The following RASGEF1B variants were observed in gnomAD, a reference collection of about 807,000 sequenced individuals.
RASGEF1B encodes the protein ras-GEF domain-containing family member 1B.
In RASGEF1B, 30 loss-of-function variants were observed where a neutral mutation model predicts 65.7. The ratio of observed to expected loss-of-function variants is 0.46; its 90% confidence interval spans 0.34 to 0.62. The LOEUF is 0.62. Among genes scored for constraint, RASGEF1B ranks in the 20% least tolerant of loss-of-function variants. The pLI is 0.01. For missense variants in RASGEF1B, 495 were observed against 580.1 expected, an observed-to-expected ratio of 0.85 and a Z score of 1.51; for synonymous variants, 175 against 194.8, an observed-to-expected ratio of 0.90 and a Z score of 0.85.
chr4:81,465,273 G>A (rs1219763971), intron 1 of RASGEF1B, among the ~76,000 whole-genome samples: 1 of 152,124 alleles, frequency 6.6e-6, no homozygotes, highest in Non-Finnish European at 1.5e-5. Flanking sequence ...GATGCAGGGA[G>A]ATAATGGAAA....
At chr4:81,430,218 G>A (rs955154252) in intron 13 of RASGEF1B, among the ~76,000 whole-genome samples, 7 of 152,158 alleles carry the variant, frequency 4.6e-5, no homozygotes, top group Admixed American at 1.3e-4. Flanking sequence ...GGAGAATGGC[G>A]TGAACCCGGG....
chr4:81,470,852 G>T (rs1388879767), intron 1 of RASGEF1B, among the ~76,000 whole-genome samples: 1 of 152,142 alleles, frequency 6.6e-6, no homozygotes, highest in South Asian at 2.1e-4. Context: ...GATTTGGTTG[G>T]GGCAAGACAG....
At chr4:81,463,063 T>G (rs1232112983) in intron 1 of RASGEF1B, among the ~76,000 whole-genome samples, 1 of 152,220 alleles carries the variant, frequency 6.6e-6, no homozygotes, top group Non-Finnish European at 1.5e-5. Flanking sequence ...ATGCTGCAAA[T>G]GGTCTTCTTT....
At chr4:81,437,558 T>C (rs1489485110) in intron 10 of RASGEF1B, among the ~76,000 whole-genome samples, 1 of 152,246 alleles carries the variant, frequency 6.6e-6, no homozygotes, top group Non-Finnish European at 1.5e-5. Context: ...GATCATTTAC[T>C]GTTTCTTATT....
intron 4 of RASGEF1B, 179 bp downstream of exon 4, chr4:81,456,472 T>A (rs1179955868): frequency 1.4e-6 from 1 of 733,830 alleles, no homozygotes; most frequent in Admixed American, 1.9e-5. Context: ...CCCTTTGAAG[T>A]GGGATGGTAT....
intron 10 of RASGEF1B, among the ~76,000 whole-genome samples, chr4:81,438,826 G>T (rs1430263379): frequency 6.6e-6 from 1 of 150,846 alleles, no homozygotes; most frequent in African/African-American, 2.4e-5. Flanking sequence ...TGCAGTGTTT[G>T]GTTTTCTGTT....
At chr4:81,470,764 T>G (rs1047610624) in intron 1 of RASGEF1B, among the ~76,000 whole-genome samples, 4 of 152,188 alleles carry the variant, frequency 2.6e-5, no homozygotes, top group African/African-American at 4.8e-5. Context: ...GACAATCTCC[T>G]TGTGTTATCT....
chr4:81,442,257 G>A, intron 9 of RASGEF1B, 40 bp downstream of exon 9: 2 of 1,321,202 alleles, frequency 1.5e-6, no homozygotes, highest in East Asian at 2.3e-5. Flanking sequence ...CTTTCCAGGT[G>A]TAAAGTGTTA....
intron 8 of RASGEF1B, among the ~76,000 whole-genome samples, chr4:81,443,280 CCTAA>C (rs1438118514): frequency 1.3e-5 from 2 of 152,164 alleles, no homozygotes; most frequent in African/African-American, 2.4e-5. Context: ...GAGATTGCTT[CCTAA>C]CTGAGGTACA....
intron 1 of RASGEF1B, among the ~76,000 whole-genome samples, chr4:81,467,848 G>T (rs1425216894): frequency 6.6e-6 from 1 of 152,088 alleles, no homozygotes; most frequent in Non-Finnish European, 1.5e-5. Context: ...GAATAAAAAT[G>T]ATCTTCTGGA....
chr4:81,455,771 A>G (rs928406252), intron 4 of RASGEF1B: 2 of 152,202 alleles, frequency 1.3e-5, no homozygotes, highest in African/African-American at 4.8e-5. Flanking sequence ...GAGGGAAGTG[A>G]TATTTATGAA....
chr4:81,435,261 A>C (rs1328686619), intron 10 of RASGEF1B, among the ~76,000 whole-genome samples: 1 of 151,156 alleles, frequency 6.6e-6, no homozygotes, highest in African/African-American at 2.4e-5. Flanking sequence ...AATACAAAAA[A>C]TTAGCCAGGT....
At chr4:81,466,788 A>AGG (rs1722840573) in intron 1 of RASGEF1B, among the ~76,000 whole-genome samples, 3 of 146,870 alleles carry the variant, frequency 2.0e-5, no homozygotes, top group African/African-American at 7.7e-5. Flanking sequence ...GAAAGAAAGA[A>AGG]AGAAAGAAAG....
At chr4:81,442,468 T>C (rs1049028054) in intron 8 of RASGEF1B, 92 bp from the exon 9 acceptor site, 1 of 747,132 alleles carries the variant, frequency 1.3e-6, no homozygotes, top group Non-Finnish European at 2.3e-6. Flanking sequence ...ATACTTTCAT[T>C]ACTAAGTGAG....
At chr4:81,450,079 A>C (rs1376587014) in intron 4 of RASGEF1B, among the ~76,000 whole-genome samples, 1 of 152,220 alleles carries the variant, frequency 6.6e-6, no homozygotes, top group Non-Finnish European at 1.5e-5. Flanking sequence ...TCAGTTTAGA[A>C]AATGCTATTT....
intron 4 of RASGEF1B, 38 bp downstream of exon 4, chr4:81,456,613 G>A: frequency 6.2e-7 from 1 of 1,611,088 alleles, no homozygotes; most frequent in Non-Finnish European, 8.5e-7. Flanking sequence ...GGCTCTGCCT[G>A]GGAATTCCAG....
Position 81,456,739 on chromosome 4 carries a change from C to T in RASGEF1B, c.350G>A (p.Trp117Ter). 1 of 1,613,866 alleles carries T rather than the reference C, an allele frequency of 6.2e-7. No individual in the cohort carries two copies. Among genetic ancestry groups the T allele is most frequent in the Non-Finnish European group, 8.5e-7 (1 of 1,179,824 alleles). ...AAAATCATAGGGAAATGTTTCCGTC[C>T]ATTCCGTGAGGAGTTGAAGGATTTT... ...APKILQLLTEWTETFPYDFRD... is the reference protein window; with the variant it reads ...APKILQLLTE Residue 117 changes from tryptophan to a stop codon, truncating the protein, a stop_gained, in exon 4 of 14, where the codon TGG becomes TAG. Coordinates refer to ENST00000264400, the MANE Select transcript of RASGEF1B (RefSeq NM_152545.3). LOFTEE classifies it high-confidence loss of function.
chr4:81,436,356 T>G (rs1447451015), intron 10 of RASGEF1B, among the ~76,000 whole-genome samples: 1 of 152,194 alleles, frequency 6.6e-6, no homozygotes, highest in Non-Finnish European at 1.5e-5. Context: ...GAGACAAATA[T>G]GCCCCAGGTG....
intron 7 of RASGEF1B, 39 bp from the exon 8 acceptor site, chr4:81,445,667 T>G (rs1721994440): frequency 6.3e-7 from 1 of 1,585,952 alleles, no homozygotes; most frequent in Non-Finnish European, 8.7e-7. Context: ...TTATCCAGTA[T>G]GAAGGCCCAA....
Sources: gnomAD v4.1 joint callset for allele counts (sites outside exome capture counted in the v4.1 genomes callset) on GRCh38, gnomAD v4.1.1 for gene constraint, MANE v1.5 for transcripts, NCBI Gene and HGNC (gene_info 2026-07-23, HGNC 2026-07-21) for gene names.